The following GPHN variants were observed in gnomAD, a reference collection of about 807,000 sequenced individuals.
The protein encoded by GPHN is gephyrin.
Under a neutral mutation model 95.5 loss-of-function variants are expected in GPHN, and 17 were observed. The ratio of observed to expected loss-of-function variants is 0.18; its 90% confidence interval spans 0.12 to 0.27. GPHN has a LOEUF of 0.27. Ranked by LOEUF, GPHN falls within the 10% of genes least tolerant of loss-of-function variation. GPHN has a pLI of 1.00. For missense variants in GPHN, 660 were observed against 978.1 expected (o/e 0.67, Z 4.34); for synonymous variants, 320 against 322.5 (o/e 0.99, Z 0.08).
chr14:66,539,014 C>T (rs181580756), intron 1 of GPHN, among the ~76,000 whole-genome samples: 28 of 152,160 alleles, frequency 1.8e-4, no homozygotes, highest in Admixed American at 1.4e-3. Flanking sequence ...AAGATTTAGT[C>T]TATCTCTGGT....
At chr14:66,574,364 A>T (rs560638095) in intron 1 of GPHN, among the ~76,000 whole-genome samples, 1 of 152,284 alleles carries the variant, frequency 6.6e-6, no homozygotes, top group Admixed American at 6.5e-5. Context: ...CCATTAACAG[A>T]TTATTGTATC....
intron 9 of GPHN, among the ~76,000 whole-genome samples, chr14:66,992,669 T>G (rs2071515793): frequency 6.6e-6 from 1 of 151,936 alleles, no homozygotes; most frequent in African/African-American, 2.4e-5. Context: ...TTTAGGGGGG[T>G]TTTGTACTTT....
At chr14:67,360,398 C>T in the GPHN span, 324 of 395,382 alleles carry the variant, frequency 8.2e-4, 1 homozygote, top group Middle Eastern at 2.5e-3. Flanking sequence ...CAAGTCTGGT[C>T]TCTGTGATTG....
chr14:67,489,105 C>G, the GPHN span, among the ~76,000 whole-genome samples: 2 of 152,160 alleles, frequency 1.3e-5, no homozygotes, highest in Non-Finnish European at 2.9e-5. Flanking sequence ...ATGATGAGCC[C>G]TTATAGCAAC....
chr14:67,655,968 G>A, the GPHN span, among the ~76,000 whole-genome samples: 4,208 of 152,250 alleles, frequency 0.028, 168 homozygotes, highest in African/African-American at 0.09. Context: ...CAAAGCGGCC[G>A]GGCACAGTGG....
intron 18 of GPHN, among the ~76,000 whole-genome samples, chr14:67,144,286 T>TATACAC (rs1421893686): frequency 1.3e-5 from 1 of 78,122 alleles, no homozygotes; most frequent in African/African-American, 6.4e-5. Context: ...TATATATATA[T>TATACAC]ACACACACAC....
At chr14:67,390,072 A>G in the GPHN span, among the ~76,000 whole-genome samples, 4 of 152,240 alleles carry the variant, frequency 2.6e-5, no homozygotes, top group African/African-American at 9.6e-5. Context: ...ACAAGGCTGA[A>G]CAGCTAACTA....
chr14:66,969,804 G>GAAAA (rs560871478), intron 9 of GPHN: 1 of 110,328 alleles, frequency 9.1e-6, no homozygotes, highest in Non-Finnish European at 1.9e-5. Flanking sequence ...CTCTCTCCAG[G>GAAAA]AAAAAAAAAA....
chr14:67,390,607 G>A, the GPHN span: 1 of 1,191,436 alleles, frequency 8.4e-7, no homozygotes, highest in Non-Finnish European at 1.3e-6. Context: ...GCCAGGAGAG[G>A]AGTGTCTGGG....
chr14:66,760,698 A>G, intron 2 of GPHN: 1 of 450,074 alleles, frequency 2.2e-6, no homozygotes, highest in Middle Eastern at 8.1e-4. Context: ...AAAGCATTCC[A>G]TAAAGCAGCT....
the GPHN span, among the ~76,000 whole-genome samples, chr14:67,707,972 C>A: frequency 6.6e-6 from 1 of 152,164 alleles, no homozygotes; most frequent in African/African-American, 2.4e-5. Flanking sequence ...CACACCATTC[C>A]AGTCAAAGTC....
At chr14:67,394,811 T>TAAATGAATTAATGAATTATCATGGG in the GPHN span, among the ~76,000 whole-genome samples, 1 of 152,182 alleles carries the variant, frequency 6.6e-6, no homozygotes, top group Non-Finnish European at 1.5e-5. Flanking sequence ...ATTAATGGGT[T>TAAATGAATTAATGAATTATCATGGG]AAATGAATTA....
chr14:67,713,222 T>C, the GPHN span, among the ~76,000 whole-genome samples: 1 of 151,326 alleles, frequency 6.6e-6, no homozygotes, highest in African/African-American at 2.4e-5. Context: ...AACAACTCTC[T>C]ACCATCCTAG....
the GPHN span, among the ~76,000 whole-genome samples, chr14:67,198,626 A>ACAGATAACT: frequency 6.6e-6 from 1 of 152,234 alleles, no homozygotes; most frequent in African/African-American, 2.4e-5. Context: ...AGGGAAACAT[A>ACAGATAACT]CAGATAACTT....
At chr14:67,085,974 T>C (rs905107720) in intron 11 of GPHN, among the ~76,000 whole-genome samples, 1 of 152,248 alleles carries the variant, frequency 6.6e-6, no homozygotes, top group African/African-American at 2.4e-5. Context: ...TGTCTTTTTA[T>C]GGTCAGCTTA....
At chr14:66,829,306 TCA>T (rs1016629450) in intron 4 of GPHN, among the ~76,000 whole-genome samples, 1 of 152,076 alleles carries the variant, frequency 6.6e-6, no homozygotes, top group Non-Finnish European at 1.5e-5. Flanking sequence ...CAGGATGGTC[TCA>T]AACTGCTGAC....
intron 1 of GPHN, among the ~76,000 whole-genome samples, chr14:66,649,782 T>C (rs1228390073): frequency 6.6e-6 from 1 of 152,196 alleles, no homozygotes; most frequent in African/African-American, 2.4e-5. Flanking sequence ...GGTGGCAAGC[T>C]GCATCTGACG....
At chr14:67,019,166 A>G (rs527881739) in intron 9 of GPHN, among the ~76,000 whole-genome samples, 21 of 152,340 alleles carry the variant, frequency 1.4e-4, no homozygotes, top group Admixed American at 8.5e-4. Context: ...ATAACAGAGA[A>G]GAGTACTTAG....
intron 9 of GPHN, among the ~76,000 whole-genome samples, chr14:66,983,366 T>C (rs993568235): frequency 2.6e-5 from 4 of 152,244 alleles, no homozygotes; most frequent in Non-Finnish European, 5.9e-5. Flanking sequence ...GACATTACAT[T>C]TTAAATCTAC....
Sources: gnomAD v4.1 joint callset for allele counts (sites outside exome capture counted in the v4.1 genomes callset) on GRCh38, gnomAD v4.1.1 for gene constraint, MANE v1.5 for transcripts, NCBI Gene and HGNC (gene_info 2026-07-23, HGNC 2026-07-21) for gene names.